Variants in SLC45A4 observed in about 807,000 individuals in gnomAD.
SLC45A4 encodes the protein polyamine-transporter SLC45A4.
In SLC45A4, 32 loss-of-function variants were observed where a neutral mutation model predicts 63.7. The ratio of observed to expected loss-of-function variants is 0.50; its 90% CI spans 0.38 to 0.67. The LOEUF (loss-of-function observed/expected upper bound fraction) is 0.67, where lower values mean the gene tolerates loss of function less well. Ranked by LOEUF, SLC45A4 falls within the 30% of genes least tolerant of loss-of-function variation. The pLI is 0.00. For synonymous variants in SLC45A4, 535 were observed against 510.0 expected (o/e 1.05, Z -0.66); for missense variants, 1,027 against 1,157.7 (o/e 0.89, Z 1.64).
At chr8:141,223,654 C>A (rs1826795785) in intron 2 of SLC45A4, among the ~76,000 whole-genome samples, 1 of 152,228 alleles carries the variant, frequency 6.6e-6, no homozygotes, top group Non-Finnish European at 1.5e-5. Flanking sequence ...TGCCTGGGAA[C>A]CCCTCCTGCT....
chr8:141,284,148 A>G (rs1830057638), intron 1 of SLC45A4, among the ~76,000 whole-genome samples: 1 of 152,238 alleles, frequency 6.6e-6, no homozygotes, highest in African/African-American at 2.4e-5. Flanking sequence ...ACCCGCACCT[A>G]GATCAACTGT....
rs541950867 is a variant in SLC45A4 at position 141,218,315 on chromosome 8, C to A, written c.1325G>T (p.Arg442Leu). 1 of 1,606,922 alleles carries A rather than the reference C, an allele frequency of 6.2e-7. No homozygotes were observed. ...CTTGATCAGCACCACGGCGTTGGCG[C>A]GCCGGTAGCGGTAGCAGTGGGACCC... is the stretch of plus-strand genomic sequence containing the variant. Reference protein sequence around the residue: ...KLGSHCYRYRRANAVVLIKPS... With the variant: ...KLGSHCYRYRLANAVVLIKPS... The change falls in exon 5 of 9, where the codon CGC becomes CTC. Residue 442 changes from arginine to leucine, a missense_variant. Physicochemically the swap from Arg to Leu is moderately radical, Grantham distance 102 (BLOSUM62 -2). Coordinates refer to ENST00000517878, the MANE Select transcript of SLC45A4 (RefSeq NM_001286646.2).
At chr8:141,241,520 G>C (rs914156476) in intron 2 of SLC45A4, among the ~76,000 whole-genome samples, 2 of 152,040 alleles carry the variant, frequency 1.3e-5, no homozygotes, top group African/African-American at 4.8e-5. Context: ...TAAGAAAGTA[G>C]AATTCATATT....
At chr8:141,273,436 C>A (rs758199233) in intron 1 of SLC45A4, among the ~76,000 whole-genome samples, 3 of 152,150 alleles carry the variant, frequency 2.0e-5, no homozygotes, top group Non-Finnish European at 2.9e-5. Context: ...TGCCCATAAG[C>A]CCTAGGATAA....
At chr8:141,273,085 G>A (rs942378038) in intron 1 of SLC45A4, among the ~76,000 whole-genome samples, 1 of 152,210 alleles carries the variant, frequency 6.6e-6, no homozygotes, top group Non-Finnish European at 1.5e-5. Flanking sequence ...TCATTTAAGA[G>A]GAAATCACAT....
chr8:141,222,713 C>T (rs980754160), intron 2 of SLC45A4, among the ~76,000 whole-genome samples: 3 of 152,266 alleles, frequency 2.0e-5, no homozygotes, highest in African/African-American at 7.2e-5. Context: ...CCACTCACAG[C>T]GCTGAGCGAA....
rs1349618201 is a variant in SLC45A4 at position 141,254,107 on chromosome 8, C to T, written c.123G>A (p.Glu41=). The T allele has an allele frequency of 1.3e-6, 2 of 1,536,060 alleles. No individual in the cohort carries two copies. The highest frequency in any genetic ancestry group is 1.7e-6 in the Non-Finnish European group (2 of 1,146,920). The change falls in exon 2 of 9, where the codon GAG becomes GAA. Residue 41 remains glutamate, a synonymous_variant. Transcript: ENST00000517878. The surrounding 1 kb of genome is among the most constrained non-coding windows in gnomAD (Gnocchi z 4.5). ...GCATGGGGATTCGGTCTATGGACCC[C>T]TCGCTGATGGTCTCGCAGTTCTCGG... The part of the protein sequence containing the change: ...AEAENCETIS[E]GSIDRIPMRL...
intron 2 of SLC45A4, chr8:141,230,087 A>T (rs1311791091): frequency 8.8e-6 from 4 of 456,154 alleles, no homozygotes; most frequent in African/African-American, 2.0e-5. Flanking sequence ...ACTCTCGGTA[A>T]ATGAATTACA....
intron 2 of SLC45A4, among the ~76,000 whole-genome samples, chr8:141,222,622 C>T (rs1189309592): frequency 6.6e-6 from 1 of 152,254 alleles, no homozygotes; most frequent in African/African-American, 2.4e-5. Flanking sequence ...CATCACCAAC[C>T]AGGCGGGCAA....
chr8:141,250,366 AC>A, intron 2 of SLC45A4, among the ~76,000 whole-genome samples: 1 of 151,660 alleles, frequency 6.6e-6, no homozygotes, highest in South Asian at 2.1e-4. Flanking sequence ...GCTCTGTGTT[AC>A]ATGATTTTGC....
intron 2 of SLC45A4, chr8:141,224,710 C>G (rs911793193): frequency 6.6e-6 from 1 of 152,328 alleles, no homozygotes; most frequent in African/African-American, 2.4e-5. Context: ...CCTCGGCCTC[C>G]CGAAGTGCTG....
At position 141,219,818 on chromosome 8, in the gene SLC45A4, C is replaced by G. The variant is rs765729267; in HGVS notation, c.442G>C (p.Gly148Arg). The G allele has an allele frequency of 7.6e-6, 12 of 1,582,562 alleles. No individual in the cohort carries two copies. Among genetic ancestry groups the G allele is most frequent in the Admixed American group, 7.2e-5 (4 of 55,786 alleles). Residue 148 changes from glycine (G) to arginine (R), a missense_variant, in exon 4 of 9, where the codon GGC becomes CGC. Coordinates refer to ENST00000517878, the MANE Select transcript of SLC45A4 (RefSeq NM_001286646.2). ...LNGSAIGLALGDVPNRQPIGI... is the reference protein window; with the variant it reads ...LNGSAIGLALRDVPNRQPIGI... ...ATGGGCTGCCGGTTGGGGACATCGC[C>G]GAGGGCCAGACCTGCGCAGAGCACA... is the stretch of plus-strand genomic sequence containing the variant.
chr8:141,214,321 A>G (rs547170880), intron 7 of SLC45A4, among the ~76,000 whole-genome samples: 1 of 152,316 alleles, frequency 6.6e-6, no homozygotes, highest in Non-Finnish European at 1.5e-5. Context: ...GAAGGCAAGG[A>G]AAATAAGTAA....
chr8:141,251,152 G>A (rs549264109), intron 2 of SLC45A4, among the ~76,000 whole-genome samples: 4 of 152,288 alleles, frequency 2.6e-5, no homozygotes, highest in African/African-American at 4.8e-5. Context: ...AATTCCAAGC[G>A]CCTCAGCTTT....
intron 1 of SLC45A4, among the ~76,000 whole-genome samples, chr8:141,294,022 G>A (rs1008986723): frequency 6.6e-6 from 1 of 152,146 alleles, no homozygotes. Context: ...TTTGAACAAG[G>A]GTTGAGACAT....
chr8:141,295,825 A>G lies in SLC45A4; in HGVS notation c.-401+12271T>C, dbSNP rs553239103. Among the ~76,000 whole-genome samples, 3 of 152,378 alleles carry G rather than the reference A, an allele frequency of 2.0e-5. No individual in the cohort carries two copies. In the East Asian group the frequency reaches 5.8e-4, roughly 29 times the overall value. ...GGCTGAAGGCCTTGAGTGCCCCAGCAGCCAGCAGCCCTGCACCGCCCAGGA... is the reference window on the plus strand; with the variant it reads ...GGCTGAAGGCCTTGAGTGCCCCAGCGGCCAGCAGCCCTGCACCGCCCAGGA... On this transcript the variant is annotated intron_variant, in intron 1 of 8. Coordinates refer to ENST00000517878, the MANE Select transcript of SLC45A4 (RefSeq NM_001286646.2).
chr8:141,305,450 C>G (rs146946737), intron 1 of SLC45A4, among the ~76,000 whole-genome samples: 2 of 152,230 alleles, frequency 1.3e-5, no homozygotes, highest in African/African-American at 4.8e-5. Context: ...AGCATAATCA[C>G]GCAGTGATGA....
At chr8:141,234,213 T>C (rs1250374192) in intron 2 of SLC45A4, among the ~76,000 whole-genome samples, 2 of 152,236 alleles carry the variant, frequency 1.3e-5, no homozygotes, top group African/African-American at 4.8e-5. Context: ...CTGGTGCTGG[T>C]GGAAGGCAGC....
chr8:141,279,470 T>C (rs1829854708), intron 1 of SLC45A4, among the ~76,000 whole-genome samples: 1 of 152,248 alleles, frequency 6.6e-6, no homozygotes, highest in Non-Finnish European at 1.5e-5. Context: ...GTCTGTCACT[T>C]GCTCTTTCAC....
Sources: allele counts gnomAD v4.1 joint callset (sites outside exome capture counted in the v4.1 genomes callset), GRCh38; gene constraint gnomAD v4.1.1; non-coding constraint Gnocchi (gnomAD v3.1); transcripts MANE v1.5; gene names NCBI Gene and HGNC (gene_info 2026-07-23, HGNC 2026-07-21).